SGCZ: variants seen among roughly 807,000 people sequenced by gnomAD.
SGCZ encodes zeta-sarcoglycan.
Under a neutral mutation model 41.3 loss-of-function variants are expected in SGCZ, and 40 were observed. The observed-to-expected ratio is 0.97, with a 90% CI of 0.75 to 1.26. The LOEUF (loss-of-function observed/expected upper bound fraction) is 1.26. Among genes scored for constraint, SGCZ ranks in the 50% most tolerant of loss-of-function variants. The probability of loss-of-function intolerance (pLI) is 0.00; values close to 1 mark genes in which losing one functional copy is unlikely to be tolerated. For missense variants in SGCZ, 552 were observed against 369.8 expected (o/e 1.49, Z -4.04); for synonymous variants, 206 against 137.5 (o/e 1.50, Z -3.49).
In SGCZ at chr8:14,450,516, G is replaced by C. The variant is rs77522186; in HGVS notation, c.234+104216C>G. On this transcript the variant is annotated intron_variant, in intron 2 of 7. Transcript: ENST00000382080. ...CATATGCCTTATCGAGAGTGTTCCA[G>C]TACCTTTGGTAATAATTTTAAAGTA... 6.1e-3 allele frequency among the ~76,000 whole-genome samples: 927 copies of C among 152,222 alleles called. 3 individuals are homozygous for C. The highest frequency in any genetic ancestry group is 8.8e-3 in the Non-Finnish European group (601 of 68,016).
intron 1 of SGCZ, among the ~76,000 whole-genome samples, chr8:14,984,651 A>G (rs1001784826): frequency 6.6e-6 from 1 of 152,148 alleles, no homozygotes; most frequent in African/African-American, 2.4e-5. Flanking sequence ...ATGCTTGGTT[A>G]TATTCAGGCA....
intron 1 of SGCZ, among the ~76,000 whole-genome samples, chr8:14,848,757 TA>T (rs1162284651): frequency 1.3e-5 from 2 of 152,108 alleles, no homozygotes; most frequent in Non-Finnish European, 2.9e-5. Flanking sequence ...AATCATAGAA[TA>T]AAACTTCGTC....
intron 1 of SGCZ, among the ~76,000 whole-genome samples, chr8:15,037,683 T>C (rs1479290342): frequency 6.6e-6 from 1 of 152,168 alleles, no homozygotes; most frequent in African/African-American, 2.4e-5. Flanking sequence ...GAAGTTAAAC[T>C]GTCCCTGTTT....
At chr8:15,174,852 G>A (rs1799950565) in intron 1 of SGCZ, among the ~76,000 whole-genome samples, 1 of 152,134 alleles carries the variant, frequency 6.6e-6, no homozygotes, top group African/African-American at 2.4e-5. Flanking sequence ...CATAACACAT[G>A]CTGGTAAGGT....
At chr8:15,207,866 T>C (rs1221889136) in intron 1 of SGCZ, among the ~76,000 whole-genome samples, 2 of 152,198 alleles carry the variant, frequency 1.3e-5, no homozygotes. Flanking sequence ...AATATACCTG[T>C]TATAACAGAA....
intron 2 of SGCZ, among the ~76,000 whole-genome samples, chr8:14,520,875 A>C (rs1203129669): frequency 6.6e-6 from 1 of 152,138 alleles, no homozygotes; most frequent in Non-Finnish European, 1.5e-5. Flanking sequence ...GATGTACTTA[A>C]AAAAATCAAC....
intron 2 of SGCZ, among the ~76,000 whole-genome samples, chr8:14,460,393 C>T (rs1281363422): frequency 3.3e-5 from 5 of 152,072 alleles, no homozygotes; most frequent in Non-Finnish European, 7.4e-5. Context: ...AGGCATTTAT[C>T]AATTAAATTT....
intron 1 of SGCZ, among the ~76,000 whole-genome samples, chr8:14,925,864 GA>G (rs11308398): frequency 0.34 from 51,587 of 149,898 alleles, 9,316 homozygotes; most frequent in Non-Finnish European, 0.41. Flanking sequence ...TGGGAATTTA[GA>G]AAAAAAAAAT....
intron 3 of SGCZ, among the ~76,000 whole-genome samples, chr8:14,243,552 T>G (rs1020224698): frequency 6.6e-6 from 1 of 152,216 alleles, no homozygotes; most frequent in Non-Finnish European, 1.5e-5. Flanking sequence ...GTTCATAACA[T>G]GTAAGGTTCT....
chr8:14,938,916 C>T (rs1055959087), intron 1 of SGCZ, among the ~76,000 whole-genome samples: 3 of 151,924 alleles, frequency 2.0e-5, no homozygotes, highest in Admixed American at 6.6e-5. Flanking sequence ...AATGCTGAAC[C>T]TATGGATTCA....
At chr8:14,444,782 G>T (rs566718273) in intron 2 of SGCZ, among the ~76,000 whole-genome samples, 2 of 151,420 alleles carry the variant, frequency 1.3e-5, no homozygotes, top group Non-Finnish European at 2.9e-5. Flanking sequence ...CGGCATATTG[G>T]GCACATGTAC....
intron 2 of SGCZ, among the ~76,000 whole-genome samples, chr8:14,366,602 C>T (rs553750093): frequency 6.6e-6 from 1 of 152,138 alleles, no homozygotes; most frequent in South Asian, 2.1e-4. Flanking sequence ...AACGGTCCCC[C>T]CAAAATCTTA....
intron 1 of SGCZ, among the ~76,000 whole-genome samples, chr8:14,745,724 G>A (rs987248522): frequency 4.0e-5 from 6 of 151,834 alleles, no homozygotes; most frequent in Admixed American, 2.0e-4. Context: ...ATTTAACCGA[G>A]CTACAAGAAG....
intron 1 of SGCZ, among the ~76,000 whole-genome samples, chr8:14,685,145 T>C (rs1380631792): frequency 6.6e-6 from 1 of 152,264 alleles, no homozygotes; most frequent in Non-Finnish European, 1.5e-5. Context: ...AAATTAATAC[T>C]GATAAAGAAG....
At chr8:14,319,638 A>T (rs750485426) in intron 3 of SGCZ, 41 of 152,106 alleles carry the variant, frequency 2.7e-4, no homozygotes, top group Non-Finnish European at 4.9e-4. Context: ...AGAAGACCAC[A>T]GACGATGAGT....
chr8:14,448,191 G>A (rs1800489420), intron 2 of SGCZ, among the ~76,000 whole-genome samples: 1 of 152,172 alleles, frequency 6.6e-6, no homozygotes, highest in African/African-American at 2.4e-5. Flanking sequence ...TACTAAAAGA[G>A]AGATTCAAGG....
chr8:14,551,266 G>C (rs917761023), intron 2 of SGCZ, among the ~76,000 whole-genome samples: 21 of 145,184 alleles, frequency 1.4e-4, no homozygotes, highest in Non-Finnish European at 1.5e-4. Flanking sequence ...AATGAGTGTT[G>C]ACGCTAGAAA....
intron 1 of SGCZ, among the ~76,000 whole-genome samples, chr8:15,234,755 CA>C (rs1159313505): frequency 1.3e-5 from 2 of 152,082 alleles, no homozygotes; most frequent in African/African-American, 4.8e-5. Context: ...ACACCCAGCA[CA>C]GCAAAAAATA....
chr8:14,777,430 G>C (rs928405186), intron 1 of SGCZ, among the ~76,000 whole-genome samples: 1 of 152,058 alleles, frequency 6.6e-6, no homozygotes, highest in Non-Finnish European at 1.5e-5. Context: ...TAACGCAAAC[G>C]AACAAATTAC....
Sources: gnomAD v4.1 joint callset for allele counts (sites outside exome capture counted in the v4.1 genomes callset) on GRCh38, gnomAD v4.1.1 for gene constraint, MANE v1.5 for transcripts, NCBI Gene and HGNC (gene_info 2026-07-23, HGNC 2026-07-21) for gene names.